Variants in ITFG2 observed in about 807,000 individuals in gnomAD.
ITFG2 encodes the protein integrin alpha FG-GAP repeat containing 2, also known as KICSTOR complex protein ITFG2.
In ITFG2, 36 loss-of-function variants were observed where a neutral mutation model predicts 54.4. The ratio of observed to expected loss-of-function variants is 0.66; its 90% CI spans 0.51 to 0.87. The LOEUF is 0.87. ITFG2 is among the 40% of genes least tolerant of loss of function. The probability of loss-of-function intolerance (pLI) is 0.00; values close to 1 mark genes in which losing one functional copy is unlikely to be tolerated. For missense variants in ITFG2, 524 were observed against 576.7 expected (o/e 0.91, Z 0.94); for synonymous variants, 211 against 225.4 (o/e 0.94, Z 0.57).
chr12:2,849,438 G>A, intron 2 of ITFG2: 1 of 1,536,188 alleles, frequency 6.5e-7, no homozygotes, highest in Non-Finnish European at 8.7e-7. Flanking sequence ...GGCAGGGCCA[G>A]CTCCTGGCGA....
At chr12:2,838,100 A>G (rs905787662) in intron 1 of ITFG2, among the ~76,000 whole-genome samples, 4 of 151,884 alleles carry the variant, frequency 2.6e-5, no homozygotes, top group Non-Finnish European at 4.4e-5. Context: ...ATCCATTACC[A>G]CCATATGTTT....
intron 2 of ITFG2, among the ~76,000 whole-genome samples, chr12:2,855,871 C>T (rs925774270): frequency 2.0e-5 from 3 of 152,112 alleles, no homozygotes; most frequent in Non-Finnish European, 4.4e-5. Flanking sequence ...TCACTTGCTC[C>T]TGGTCTTGGC....
chr12:2,849,998 A>G (rs1241025079), intron 2 of ITFG2, among the ~76,000 whole-genome samples: 2 of 152,188 alleles, frequency 1.3e-5, no homozygotes, highest in African/African-American at 4.8e-5. Flanking sequence ...TCTATGACTC[A>G]GCGCACTTTG....
intron 3 of ITFG2, 40 bp downstream of exon 3, chr12:2,817,990 A>G (rs1434428310): frequency 2.5e-6 from 4 of 1,611,406 alleles, no homozygotes; most frequent in Non-Finnish European, 3.4e-6. Context: ...CTTAGCTCAC[A>G]GTGGAAATCA....
At chr12:2,820,962 G>C (rs2097942134) in intron 6 of ITFG2, 90 bp downstream of exon 6, 3 of 1,386,260 alleles carry the variant, frequency 2.2e-6, no homozygotes, top group Admixed American at 3.9e-5. Flanking sequence ...TGGGTCTGCA[G>C]TTGGCAGAGC....
At chr12:2,851,246 T>G (rs1448405722) in intron 2 of ITFG2, among the ~76,000 whole-genome samples, 1 of 151,660 alleles carries the variant, frequency 6.6e-6, no homozygotes, top group Non-Finnish European at 1.5e-5. Context: ...TCTGGGTGAG[T>G]GAGTGAGTGG....
chr12:2,837,322 A>C (rs2098030631), intron 1 of ITFG2, among the ~76,000 whole-genome samples: 2 of 151,794 alleles, frequency 1.3e-5, no homozygotes, highest in African/African-American at 4.8e-5. Context: ...CTAAAAATAC[A>C]AAAAAATTAG....
chr12:2,830,997 G>A (rs2153926161), downstream of ITFG2: 1 of 785,540 alleles, frequency 1.3e-6, no homozygotes, highest in Admixed American at 3.9e-5. Flanking sequence ...GTTTACCCTA[G>A]GGTCCCAGAT....
chr12:2,846,293 C>T (rs937130171), intron 2 of ITFG2, among the ~76,000 whole-genome samples: 2 of 152,174 alleles, frequency 1.3e-5, no homozygotes, highest in Non-Finnish European at 2.9e-5. Flanking sequence ...CCTTTCTGCC[C>T]GCCCCTAGCT....
chr12:2,848,984 C>A, intron 2 of ITFG2: 6 of 501,870 alleles, frequency 1.2e-5, no homozygotes, highest in South Asian at 1.2e-4. Flanking sequence ...ACCCAGCCTC[C>A]TGGCCGCAGT....
At chr12:2,850,526 A>G (rs1387120614) in intron 2 of ITFG2, among the ~76,000 whole-genome samples, 3 of 150,894 alleles carry the variant, frequency 2.0e-5, no homozygotes, top group Non-Finnish European at 2.9e-5. Context: ...ATGGGCTGCC[A>G]GGTTTACATG....
rs768931105 is a variant in ITFG2 at position 2,821,778 on chromosome 12, A to T, written c.934A>T (p.Lys312Ter). The T allele has an allele frequency of 1.2e-6, 2 of 1,613,830 alleles. No individual in the cohort carries two copies. The highest frequency in any genetic ancestry group is 1.7e-6 in the Non-Finnish European group (2 of 1,179,800). The change falls in exon 9 of 12, where the codon AAA becomes TAA. Residue 312 changes from lysine to a stop codon, truncating the protein, a stop_gained. Transcript: ENST00000228799. LOFTEE classifies it high-confidence loss of function. The stretch of plus-strand genomic sequence containing the variant: ...GGATCACCAGCTCTTTGCCCTGGAG[A>T]AACTGGATGTCACCGTGAGTGGAAA... ...QVDHQLFALE[K>*]LDVTGNGHEE...
chr12:2,856,974 A>G (rs561389298), intron 2 of ITFG2: 45 of 703,040 alleles, frequency 6.4e-5, no homozygotes, highest in African/African-American at 6.1e-4. Flanking sequence ...AGGTTCTTCC[A>G]TATGAGATGG....
intron 2 of ITFG2, among the ~76,000 whole-genome samples, chr12:2,841,820 G>A (rs2098041764): frequency 6.6e-6 from 1 of 151,738 alleles, no homozygotes; most frequent in Admixed American, 6.6e-5. Flanking sequence ...CTGGGTTCAA[G>A]TGATTCTCCT....
At chr12:2,854,847 A>G in intron 2 of ITFG2, 1 of 1,482,330 alleles carries the variant, frequency 6.7e-7, no homozygotes, top group Non-Finnish European at 9.0e-7. Flanking sequence ...GGGAGGGGTC[A>G]CCTGGGCAGG....
chr12:2,837,510 G>T (rs539051510), intron 1 of ITFG2, among the ~76,000 whole-genome samples: 49 of 152,146 alleles, frequency 3.2e-4, no homozygotes, highest in African/African-American at 1.2e-3. Flanking sequence ...GGTGGCACAC[G>T]CCTGTAATCC....
chr12:2,814,053 A>G (rs2097915884), intron 1 of ITFG2, among the ~76,000 whole-genome samples: 1 of 152,070 alleles, frequency 6.6e-6, no homozygotes, highest in Admixed American at 6.5e-5. Context: ...AAATGATTCT[A>G]CTGCCCCAAC....
intron 9 of ITFG2, among the ~76,000 whole-genome samples, chr12:2,822,035 C>T (rs1400779697): frequency 6.6e-6 from 1 of 150,530 alleles, no homozygotes; most frequent in Non-Finnish European, 1.5e-5. Flanking sequence ...TGAAGCCATT[C>T]TGTCACCTCA....
chr12:2,850,628 C>G (rs1038087695), intron 2 of ITFG2, among the ~76,000 whole-genome samples: 1 of 152,014 alleles, frequency 6.6e-6, no homozygotes. Context: ...CTTCAGTGTG[C>G]TCACTGACTG....
Sources: gnomAD v4.1 joint callset for allele counts (sites outside exome capture counted in the v4.1 genomes callset) on GRCh38, gnomAD v4.1.1 for gene constraint, MANE v1.5 for transcripts, NCBI Gene and HGNC (gene_info 2026-07-23, HGNC 2026-07-21) for gene names.